ASL: variants seen among roughly 807,000 people sequenced by gnomAD.
The protein encoded by ASL is argininosuccinase.
Under a neutral mutation model 69.1 loss-of-function variants are expected in ASL, and 51 were observed. That is an observed-to-expected ratio of 0.74 (90% CI 0.59 to 0.93). The LOEUF (loss-of-function observed/expected upper bound fraction) is 0.93. ASL is among the 40% of genes least tolerant of loss of function. ASL has a pLI of 0.00. For missense variants in ASL, 540 were observed against 623.9 expected, an observed-to-expected ratio of 0.87 and a Z score of 1.43; for synonymous variants, 241 against 247.6, an observed-to-expected ratio of 0.97 and a Z score of 0.25.
At chr7:66,087,673 GA>G in intron 9 of ASL, 55 bp from the exon 10 acceptor site, 1 of 1,607,808 alleles carries the variant, frequency 6.2e-7, no homozygotes, top group Non-Finnish European at 8.5e-7. Context: ...CTAGTTGGGG[GA>G]GAGGGGGCCA....
intron 2 of ASL, among the ~76,000 whole-genome samples, chr7:66,076,295 G>T (rs1786345319): frequency 6.6e-6 from 1 of 152,160 alleles, no homozygotes; most frequent in South Asian, 2.1e-4. Flanking sequence ...ACCAGTATCC[G>T]CAGGCAGCCC....
At chr7:66,088,567 A>C (rs1339649551) in intron 10 of ASL, among the ~76,000 whole-genome samples, 2 of 152,198 alleles carry the variant, frequency 1.3e-5, no homozygotes, top group Non-Finnish European at 2.9e-5. Flanking sequence ...CAACAATAAC[A>C]AAAAACACGC....
chr7:66,078,648 T>C (rs371125253), intron 2 of ASL, among the ~76,000 whole-genome samples: 6 of 152,006 alleles, frequency 3.9e-5, no homozygotes, highest in African/African-American at 1.2e-4. Flanking sequence ...ATTATTATTA[T>C]TTTTAAGAAG....
chr7:66,087,288 G>T (rs758912888), intron 8 of ASL, 46 bp from the exon 9 acceptor site: 6 of 1,516,854 alleles, frequency 4.0e-6, no homozygotes, highest in Non-Finnish European at 4.5e-6. Flanking sequence ...GTGTGTCAGG[G>T]CTGCCTGCCA....
At chr7:66,087,068 G>A (rs1423941721) in intron 8 of ASL, 2 of 643,498 alleles carry the variant, frequency 3.1e-6, no homozygotes, top group African/African-American at 1.8e-5. Flanking sequence ...TGACATGTGG[G>A]AACATGTGTC....
rs762805462 is a variant in ASL, at chr7:66,092,875, G to A, written c.1358G>A (p.Arg453His). 30 of 1,611,368 alleles carry A rather than the reference G, an allele frequency of 1.9e-5. No individual in the cohort carries two copies. The highest frequency in any genetic ancestry group is 3.3e-5 in the South Asian group (3 of 91,086). The change falls in exon 17 of 17, where the codon CGC (arginine) becomes CAC (histidine). Residue 453 changes from arginine to histidine, a missense_variant. Physicochemically the swap from Arg to His is conservative, Grantham distance 29 (BLOSUM62 0). Transcript: ENST00000304874. Reference protein sequence around the residue: ...TARSSVDWQIRQVRALLQAQQ... With the variant: ...TARSSVDWQIHQVRALLQAQQ... ...CGCTCCAGCGTCGACTGGCAGATCC[G>A]CCAGGTGCGGGCGCTACTGCAGGCA... is the stretch of plus-strand genomic sequence containing the variant.
chr7:66,092,984 G>C lies in ASL; in HGVS notation c.*72G>C. On this transcript the variant is annotated 3_prime_UTR_variant, in exon 17 of 17. Transcript: ENST00000304874. ...GCTGTGTGTTTCCTGCCCCAGCCTG[G>C]CTCCCTCGTTGCTGGGCTTTCGGGG... The C allele has an allele frequency of 6.5e-7, 1 of 1,541,696 alleles. No homozygotes were observed. The highest frequency in any genetic ancestry group is 2.4e-5 in the East Asian group (1 of 41,226).
In ASL at chr7:66,082,111, A is replaced by C. The variant is rs986096186; in HGVS notation, c.207+114A>C. 3.8e-6 allele frequency: 5 copies of C among 1,309,826 alleles called. No homozygotes were observed. The African/African-American group carries it at 5.9e-5, about 15-fold the overall frequency. 81.1% of individuals were successfully genotyped at this position (1,309,826 alleles called of 1,614,324 possible). A position where few individuals can be genotyped will look rare whatever the true frequency, so the allele number is the denominator to read the frequency against. On this transcript the variant is annotated intron_variant, in intron 3 of 16. Coordinates refer to ENST00000304874, the MANE Select transcript of ASL (RefSeq NM_000048.4). ...CCCATCTGTGGTTTCACATTGAACT[A>C]ATTATATACTCAAGTGCTGTTTAAC... is the stretch of plus-strand genomic sequence containing the variant.
intron 2 of ASL, among the ~76,000 whole-genome samples, chr7:66,077,818 C>A (rs1428818469): frequency 6.6e-6 from 1 of 152,170 alleles, no homozygotes; most frequent in Non-Finnish European, 1.5e-5. Context: ...TCAACCCAGC[C>A]CAACTCAGTG....
intron 2 of ASL, among the ~76,000 whole-genome samples, chr7:66,079,963 T>G (rs1786453143): frequency 6.6e-6 from 1 of 152,054 alleles, no homozygotes; most frequent in Non-Finnish European, 1.5e-5. Flanking sequence ...CGCATGCTTG[T>G]AGTCCCAACT....
At chr7:66,077,647 T>G (rs1279578608) in intron 2 of ASL, among the ~76,000 whole-genome samples, 1 of 151,662 alleles carries the variant, frequency 6.6e-6, no homozygotes, top group East Asian at 1.9e-4. Context: ...GAGAATCGCT[T>G]GAACTCGGGA....
rs757714252 is a variant in ASL, at chr7:66,092,850, C to T, written c.1333C>T (p.Arg445Cys). 1.1e-5 allele frequency: 18 copies of T among 1,613,056 alleles called. No individual in the cohort carries two copies. Among genetic ancestry groups the T allele is most frequent in the South Asian group, 5.5e-5 (5 of 91,090 alleles). ...GTATGGTGCCCTGGGCGGCACTGCGCGCTCCAGCGTCGACTGGCAGATCCG... is the reference window on the plus strand; with the variant it reads ...GTATGGTGCCCTGGGCGGCACTGCGTGCTCCAGCGTCGACTGGCAGATCCG... ...EQYGALGGTA[R>C]SSVDWQIRQV... Residue 445 changes from arginine to cysteine, a missense_variant, in exon 17 of 17, where the codon CGC (arginine) becomes TGC (cysteine). Coordinates refer to ENST00000304874, the MANE Select transcript of ASL (RefSeq NM_000048.4).
rs933291133 is a variant in ASL at position 66,082,393 on chromosome 7, C to A, written c.233C>A (p.Thr78Asn). 3.1e-6 allele frequency: 5 copies of A among 1,612,638 alleles called. No individual in the cohort carries two copies. The highest frequency in any genetic ancestry group is 4.2e-6 in the Non-Finnish European group (5 of 1,179,712). ...GTGGCTGAGGAGTGGGCCCAGGGCA[C>A]CTTCAAACTGAACTCCAATGATGAG... ...DKVAEEWAQG[T>N]FKLNSNDEDI... Residue 78 changes from threonine (T) to asparagine (N), a missense_variant, in exon 4 of 17, where the codon ACC becomes AAC. Physicochemically the swap from Thr to Asn is moderately conservative, Grantham distance 65. Coordinates refer to ENST00000304874, the MANE Select transcript of ASL (RefSeq NM_000048.4).
intron 6 of ASL, among the ~76,000 whole-genome samples, chr7:66,085,824 G>A (rs1383100858): frequency 2.0e-5 from 3 of 151,988 alleles, no homozygotes. Flanking sequence ...TAGCCAGGAT[G>A]GTCTCGATCT....
chr7:66,081,994 C>T lies in ASL; in HGVS notation c.204C>T (p.Asp68=), dbSNP rs2115691807. ...AEMDQILHGL[D]KVAEEWAQGT... ...TGGACCAGATACTCCATGGCCTAGA[C>T]AAGGTACTTGCCGTGGCCCAAGCCC... Residue 68 remains aspartate (D), a synonymous_variant, in exon 3 of 17, where the codon GAC becomes GAT. Transcript: ENST00000304874. 2.5e-6 allele frequency: 4 copies of T among 1,605,554 alleles called. No individual in the cohort carries two copies. The highest frequency in any genetic ancestry group is 2.2e-5 in the East Asian group (1 of 44,618).
At chr7:66,081,276 T>C (rs1786496048) in intron 2 of ASL, among the ~76,000 whole-genome samples, 1 of 151,986 alleles carries the variant, frequency 6.6e-6, no homozygotes, top group African/African-American at 2.4e-5. Flanking sequence ...TGCCATGTGG[T>C]GGGAAAGAAC....
rs1195871544 is a variant in ASL, at chr7:66,075,859, G to A, written c.-44+3G>A. ...ACTATCCGTGCGGCCAGGCGGAGGT[G>A]AGTGCGCGGCGGCCGGATGGGCGGG... is the stretch of plus-strand genomic sequence containing the variant. On this transcript the variant is annotated splice_donor_region_variant and intron_variant, in intron 1 of 16. Transcript: ENST00000304874. 1 of 565,288 alleles carries A rather than the reference G, an allele frequency of 1.8e-6. No individual in the cohort carries two copies. Among genetic ancestry groups the A allele is most frequent in the African/African-American group, 2.0e-5 (1 of 49,770 alleles). The allele number at this position is 565,288 out of a possible 1,614,324, so 35.0% of individuals were successfully genotyped here. A position where few individuals can be genotyped will look rare whatever the true frequency, so the allele number is the denominator to read the frequency against.
At chr7:66,080,207 G>A (rs937679990) in intron 2 of ASL, among the ~76,000 whole-genome samples, 17 of 150,884 alleles carry the variant, frequency 1.1e-4, no homozygotes, top group Admixed American at 2.0e-4. Context: ...GTGAAACCAC[G>A]TCTCTACTGA....
rs1786893408 is a variant in ASL, at chr7:66,092,854, C to T, written c.1337C>T (p.Ser446Phe). The T allele has an allele frequency of 1.2e-6, 2 of 1,612,994 alleles. No homozygotes were observed. The highest frequency in any genetic ancestry group is 2.2e-5 in the East Asian group (1 of 44,890). Reference sequence around the variant, plus strand: ...GGTGCCCTGGGCGGCACTGCGCGCTCCAGCGTCGACTGGCAGATCCGCCAG... The same window carrying T: ...GGTGCCCTGGGCGGCACTGCGCGCTTCAGCGTCGACTGGCAGATCCGCCAG... ...QYGALGGTAR[S>F]SVDWQIRQVR... Residue 446 changes from serine (S) to phenylalanine (F), a missense_variant, in exon 17 of 17, where the codon TCC becomes TTC. Transcript: ENST00000304874.
Sources: gnomAD v4.1 joint callset for allele counts (sites outside exome capture counted in the v4.1 genomes callset) on GRCh38, gnomAD v4.1.1 for gene constraint, MANE v1.5 for transcripts, NCBI Gene and HGNC (gene_info 2026-07-23, HGNC 2026-07-21) for gene names.